MNAT1: variants seen among roughly 807,000 people sequenced by gnomAD.
MNAT1 encodes CDK-activating kinase assembly factor MAT1.
Under a neutral mutation model 42.0 loss-of-function variants are expected in MNAT1, and 43 were observed. The ratio of observed to expected loss-of-function variants is 1.02; its 90% CI spans 0.80 to 1.32. MNAT1 has a LOEUF of 1.32. MNAT1 is among the 40% of genes most tolerant of loss of function. The pLI, the probability that MNAT1 is intolerant of heterozygous loss-of-function variation, is 0.00. For synonymous variants in MNAT1, 118 were observed against 120.0 expected, an observed-to-expected ratio of 0.98 and a Z score of 0.11; for missense variants, 306 against 350.4, an observed-to-expected ratio of 0.87 and a Z score of 1.01.
At chr14:60,958,492 G>A (rs1221678615) in intron 7 of MNAT1, among the ~76,000 whole-genome samples, 1 of 151,882 alleles carries the variant, frequency 6.6e-6, no homozygotes, top group Non-Finnish European at 1.5e-5. Flanking sequence ...TCTTGGTGAA[G>A]TCTTCTCTGG....
intron 6 of MNAT1, among the ~76,000 whole-genome samples, chr14:60,835,513 T>G (rs2033366287): frequency 6.6e-6 from 1 of 152,242 alleles, no homozygotes; most frequent in African/African-American, 2.4e-5. Flanking sequence ...TTAGTTTGGC[T>G]GGATATAACA....
chr14:60,790,197 A>G (rs1348412293), intron 1 of MNAT1, among the ~76,000 whole-genome samples: 3 of 152,130 alleles, frequency 2.0e-5, no homozygotes, highest in South Asian at 2.1e-4. Flanking sequence ...ATAGAAGGAG[A>G]AAGTGTAGAG....
Position 60,907,306 on chromosome 14 carries a change from GC to G in MNAT1, c.809+27473del, listed in dbSNP as rs1373331515. On this transcript the variant is annotated intron_variant, in intron 7 of 7. Transcript: ENST00000261245. ...AAATTAGCCGGGTGTGGTGGCACGC[GC>G]CTGTAGTCCCAGCTACTCAGGAGGC... is the stretch of plus-strand genomic sequence containing the variant. Among the ~76,000 whole-genome samples the G allele has an allele frequency of 2.0e-5, 3 of 151,788 alleles. No individual in the cohort carries two copies. The South Asian group carries it at 6.3e-4, about 32-fold the overall frequency.
chr14:60,965,949 C>G (rs987159933), intron 7 of MNAT1, among the ~76,000 whole-genome samples: 2 of 151,942 alleles, frequency 1.3e-5, no homozygotes, highest in Non-Finnish European at 2.9e-5. Context: ...ATTTTTAGAC[C>G]TTTCTGAGGT....
chr14:60,951,230 A>G (rs1366638934), intron 7 of MNAT1, among the ~76,000 whole-genome samples: 1 of 151,654 alleles, frequency 6.6e-6, no homozygotes, highest in East Asian at 1.9e-4. Flanking sequence ...GAACAAAACA[A>G]AGACCTTAGA....
chr14:60,916,165 T>C (rs1168942255), intron 7 of MNAT1, among the ~76,000 whole-genome samples: 1 of 152,262 alleles, frequency 6.6e-6, no homozygotes, highest in East Asian at 1.9e-4. Context: ...ATGAGCTTGC[T>C]ACTGTTGTTG....
chr14:60,898,515 G>A (rs1225009554), intron 7 of MNAT1, among the ~76,000 whole-genome samples: 1 of 152,038 alleles, frequency 6.6e-6, no homozygotes, highest in Non-Finnish European at 1.5e-5. Flanking sequence ...GATGATTAGT[G>A]ATGTTGAGCA....
chr14:60,853,188 C>A (rs2033867755), intron 6 of MNAT1, among the ~76,000 whole-genome samples: 1 of 151,948 alleles, frequency 6.6e-6, no homozygotes, highest in Admixed American at 6.6e-5. Flanking sequence ...CATGGAATTT[C>A]TTTCCATTTG....
intron 6 of MNAT1, among the ~76,000 whole-genome samples, chr14:60,855,777 T>C (rs2033943569): frequency 6.6e-6 from 1 of 152,160 alleles, no homozygotes; most frequent in Non-Finnish European, 1.5e-5. Context: ...CCCCAACTTT[T>C]TTATTATTAT....
chr14:60,935,469 C>T (rs2139576812), intron 7 of MNAT1, among the ~76,000 whole-genome samples: 1 of 152,174 alleles, frequency 6.6e-6, no homozygotes, highest in East Asian at 1.9e-4. Flanking sequence ...ATTCATTTTC[C>T]ATTAGTTGAA....
chr14:60,968,405 A>C lies in MNAT1; in HGVS notation c.*56A>C, dbSNP rs1313753640. The C allele has an allele frequency of 1.1e-5, 18 of 1,582,878 alleles. No homozygotes were observed. The highest frequency in any genetic ancestry group is 1.5e-5 in the Non-Finnish European group (18 of 1,167,444). ...ACCAGGGAGCTAGCAAAAGTAAAGC[A>C]GACTTATAAAATTATAGCTATGTGC... On this transcript the variant is annotated 3_prime_UTR_variant, in exon 8 of 8. Coordinates refer to ENST00000261245, the MANE Select transcript of MNAT1 (RefSeq NM_002431.4).
chr14:60,911,261 T>G (rs1423906806), intron 7 of MNAT1, among the ~76,000 whole-genome samples: 1 of 152,174 alleles, frequency 6.6e-6, no homozygotes, highest in Non-Finnish European at 1.5e-5. Flanking sequence ...TTTGTTGATC[T>G]TTTCAAAAAA....
chr14:60,801,981 T>A (rs2032216446), intron 3 of MNAT1, among the ~76,000 whole-genome samples: 2 of 152,156 alleles, frequency 1.3e-5, no homozygotes, highest in African/African-American at 2.4e-5. Context: ...ACAACGTGGA[T>A]CAACCTGGAG....
At chr14:60,870,361 A>G (rs1454750889) in intron 6 of MNAT1, among the ~76,000 whole-genome samples, 1 of 152,110 alleles carries the variant, frequency 6.6e-6, no homozygotes, top group Non-Finnish European at 1.5e-5. Context: ...CTAAAGTTGC[A>G]TGGTTTTCTG....
chr14:60,913,265 G>C (rs1407747993), intron 7 of MNAT1, among the ~76,000 whole-genome samples: 1 of 151,986 alleles, frequency 6.6e-6, no homozygotes, highest in Admixed American at 6.6e-5. Flanking sequence ...CTTTGCAATT[G>C]GTTTGAACTT....
chr14:60,944,256 C>A (rs775150267), intron 7 of MNAT1, among the ~76,000 whole-genome samples: 1 of 152,074 alleles, frequency 6.6e-6, no homozygotes, highest in Admixed American at 6.6e-5. Context: ...TATCAGAGAT[C>A]GTAAGTTTCT....
intron 6 of MNAT1, among the ~76,000 whole-genome samples, chr14:60,858,343 T>C (rs1178706204): frequency 6.6e-6 from 1 of 152,192 alleles, no homozygotes; most frequent in African/African-American, 2.4e-5. Context: ...GAGCTTTTTT[T>C]CATGTGTTTG....
At chr14:60,918,526 G>A (rs1401161681) in intron 7 of MNAT1, among the ~76,000 whole-genome samples, 1 of 151,400 alleles carries the variant, frequency 6.6e-6, no homozygotes, top group Non-Finnish European at 1.5e-5. Context: ...ATTTTTACAT[G>A]ATTTTCTCCC....
intron 7 of MNAT1, among the ~76,000 whole-genome samples, chr14:60,945,849 C>T (rs893772024): frequency 9.2e-5 from 14 of 152,164 alleles, no homozygotes; most frequent in African/African-American, 3.1e-4. Context: ...GGCTTTCCCA[C>T]ATCATCAGTT....
Sources: gnomAD v4.1 joint callset for allele counts (sites outside exome capture counted in the v4.1 genomes callset) on GRCh38, gnomAD v4.1.1 for gene constraint, MANE v1.5 for transcripts, NCBI Gene and HGNC (gene_info 2026-07-23, HGNC 2026-07-21) for gene names.